SLC25A24: variants seen among roughly 807,000 people sequenced by gnomAD.
SLC25A24 encodes the protein mitochondrial adenyl nucleotide antiporter SLC25A24.
SLC25A24 carries 49 observed loss-of-function variants against 60.7 expected under a neutral mutation model. The observed-to-expected ratio is 0.81, with a 90% CI of 0.64 to 1.02. The LOEUF (loss-of-function observed/expected upper bound fraction) is 1.02. SLC25A24 is among the 50% of genes least tolerant of loss of function. SLC25A24 has a pLI of 0.00. For missense variants in SLC25A24, 564 were observed against 586.3 expected (o/e 0.96, Z 0.39); for synonymous variants, 202 against 200.6 (o/e 1.01, Z -0.06).
At position 108,148,262 on chromosome 1, in the gene SLC25A24, T is replaced by C; in HGVS notation, c.930+17A>G. 6.9e-7 allele frequency: 1 copy of C among 1,445,354 alleles called. No homozygotes were observed. Among genetic ancestry groups the C allele is most frequent in the Admixed American group, 1.7e-5 (1 of 59,788 alleles). 89.5% of individuals were successfully genotyped at this position (1,445,354 alleles called of 1,614,324 possible). ...CACGAACACCATCACACAGTCAGAC[T>C]TGACAATGGTACTCACCTCCATTGG... On this transcript the variant is annotated intron_variant, in intron 7 of 9. Coordinates refer to ENST00000565488, the MANE Select transcript of SLC25A24 (RefSeq NM_013386.5).
chr1:108,182,848 A>C (rs1017956675), intron 2 of SLC25A24, among the ~76,000 whole-genome samples: 1 of 152,098 alleles, frequency 6.6e-6, no homozygotes, highest in Non-Finnish European at 1.5e-5. Context: ...TAAATAAATA[A>C]AAATAAAAAT....
In SLC25A24 at chr1:108,154,550, G is replaced by A. The variant is rs551563009; in HGVS notation, c.822+433C>T. The stretch of plus-strand genomic sequence containing the variant: ...CTGGAGTACATGGGGAAGAAGCCAC[G>A]CCCCTGCCTTCATGGAGGTGTCACT... On this transcript the variant is annotated intron_variant, in intron 6 of 9. Coordinates refer to ENST00000565488, the MANE Select transcript of SLC25A24 (RefSeq NM_013386.5). 7.9e-5 allele frequency among the ~76,000 whole-genome samples: 12 copies of A among 152,212 alleles called. No homozygotes were observed. The South Asian group carries it at 8.3e-4, about 11-fold the overall frequency.
intron 6 of SLC25A24, among the ~76,000 whole-genome samples, chr1:108,148,968 A>G (rs563545054): frequency 6.6e-4 from 101 of 152,334 alleles, no homozygotes; most frequent in African/African-American, 2.4e-3. Flanking sequence ...TTTCCACAAA[A>G]CACAGATGTC....
intron 2 of SLC25A24, among the ~76,000 whole-genome samples, chr1:108,185,036 C>T (rs1484976331): frequency 6.6e-6 from 1 of 152,110 alleles, no homozygotes; most frequent in Non-Finnish European, 1.5e-5. Flanking sequence ...GAGTAGGGCC[C>T]CCATGATGGG....
intron 7 of SLC25A24, among the ~76,000 whole-genome samples, chr1:108,145,652 C>T (rs1031316183): frequency 6.6e-6 from 1 of 152,096 alleles, no homozygotes; most frequent in Non-Finnish European, 1.5e-5. Flanking sequence ...TTTCCCAACA[C>T]CATACATTAA....
chr1:108,192,448 G>A lies in SLC25A24; in HGVS notation c.184-6494C>T, dbSNP rs1303011686. 2.2e-6 allele frequency: 3 copies of A among 1,356,204 alleles called. 1 individual carries two copies. In the East Asian group the frequency reaches 8.7e-5, roughly 39 times the overall value. 84.0% of individuals were successfully genotyped at this position (1,356,204 alleles called of 1,614,324 possible). ...CCCTCTCTGCCCAATGCCTCTCCAG[G>A]GCTCCCAGCCCCAACGTCTCTCTGA... On this transcript the variant is annotated intron_variant, in intron 1 of 9. Transcript: ENST00000565488.
chr1:108,169,129 T>C (rs1647353257), intron 3 of SLC25A24, among the ~76,000 whole-genome samples: 1 of 152,196 alleles, frequency 6.6e-6, no homozygotes, highest in African/African-American at 2.4e-5. Context: ...AAAATATGGA[T>C]GGGTCTGTTT....
At chr1:108,188,881 G>C (rs764164561) in intron 1 of SLC25A24, among the ~76,000 whole-genome samples, 2 of 152,174 alleles carry the variant, frequency 1.3e-5, no homozygotes, top group Admixed American at 1.3e-4. Flanking sequence ...AATCCGGGGG[G>C]AGTTAGTATA....
intron 3 of SLC25A24, among the ~76,000 whole-genome samples, chr1:108,172,918 T>TAAG (rs1380857268): frequency 2.0e-5 from 3 of 152,026 alleles, no homozygotes; most frequent in African/African-American, 7.2e-5. Context: ...CTAGTAATAA[T>TAAG]AATAATAATA....
chr1:108,134,992 A>G lies in SLC25A24; in HGVS notation c.*1661T>C, dbSNP rs1679242966. ...CATTCATACCTTACAATTTAAATTC[A>G]TAATGAACAATGAATATTTTCATAT... On this transcript the variant is annotated 3_prime_UTR_variant, in exon 10 of 10. Coordinates refer to ENST00000565488, the MANE Select transcript of SLC25A24 (RefSeq NM_013386.5). 1 of 152,194 alleles carries G rather than the reference A, an allele frequency of 6.6e-6. No homozygotes were observed. Among genetic ancestry groups the G allele is most frequent in the Non-Finnish European group, 1.5e-5 (1 of 68,018 alleles). 9.4% of individuals were successfully genotyped at this position (152,194 alleles called of 1,614,324 possible).
chr1:108,186,103 A>T, intron 1 of SLC25A24, 149 bp from the exon 2 acceptor site: 2 of 526,900 alleles, frequency 3.8e-6, no homozygotes, highest in Non-Finnish European at 6.4e-6. Context: ...TATCGCAAAG[A>T]TCTATAATAA....
At chr1:108,171,769 G>A (rs1647470356) in intron 3 of SLC25A24, among the ~76,000 whole-genome samples, 2 of 152,194 alleles carry the variant, frequency 1.3e-5, no homozygotes, top group Non-Finnish European at 2.9e-5. Flanking sequence ...ATTGTTCTAA[G>A]TATTTCACAT....
chr1:108,156,030 GA>G lies in SLC25A24; in HGVS notation c.670-896del, dbSNP rs2101612589. Among the ~76,000 whole-genome samples, 3 of 152,044 alleles carry G rather than the reference GA, an allele frequency of 2.0e-5. No homozygotes were observed. The South Asian group carries it at 6.2e-4, about 32-fold the overall frequency. ...TGAAGGCCAGCCATGTGGCCAGTAT[GA>G]AAACGGGCCCCAATAAGAACTCTGC... On this transcript the variant is annotated intron_variant, in intron 5 of 9. Coordinates refer to ENST00000565488, the MANE Select transcript of SLC25A24 (RefSeq NM_013386.5).
At chr1:108,160,803 A>T (rs1348400600) in intron 4 of SLC25A24, among the ~76,000 whole-genome samples, 3 of 152,176 alleles carry the variant, frequency 2.0e-5, no homozygotes, top group Admixed American at 6.5e-5. Flanking sequence ...TACGAAAAAC[A>T]GTCAGGCGTG....
Position 108,135,171 on chromosome 1 carries a change from C to G in SLC25A24, c.*1482G>C, listed in dbSNP as rs1679249594. ...ATAACCCTAAAAGTAGAATCCCAGG[C>G]TTATCATATTATAAAAATACTGAGA... On this transcript the variant is annotated 3_prime_UTR_variant, in exon 10 of 10. Coordinates refer to ENST00000565488, the MANE Select transcript of SLC25A24 (RefSeq NM_013386.5). The G allele has an allele frequency of 6.6e-6, 1 of 152,418 alleles. No homozygotes were observed. The highest frequency in any genetic ancestry group is 2.4e-5 in the African/African-American group (1 of 41,410). The allele number at this position is 152,418 out of a possible 1,614,324, so 9.4% of individuals were successfully genotyped here. A position where few individuals can be genotyped will look rare whatever the true frequency, so the allele number is the denominator to read the frequency against.
At chr1:108,164,039 A>G (rs1026401137) in intron 3 of SLC25A24, among the ~76,000 whole-genome samples, 34 of 152,158 alleles carry the variant, frequency 2.2e-4, no homozygotes, top group Non-Finnish European at 4.1e-4. Context: ...TTCTGCATCT[A>G]TTGAGATAAT....
At chr1:108,188,750 A>T (rs568880390) in intron 1 of SLC25A24, among the ~76,000 whole-genome samples, 1 of 152,288 alleles carries the variant, frequency 6.6e-6, no homozygotes, top group South Asian at 2.1e-4. Flanking sequence ...TAGTTATTAG[A>T]AAAGGTTTGG....
At chr1:108,144,782 A>T (rs1389668932) in intron 7 of SLC25A24, among the ~76,000 whole-genome samples, 1 of 152,172 alleles carries the variant, frequency 6.6e-6, no homozygotes, top group Non-Finnish European at 1.5e-5. Context: ...ATGGCTGCAT[A>T]GTATTCCATG....
At chr1:108,168,363 C>T (rs889535557) in intron 3 of SLC25A24, among the ~76,000 whole-genome samples, 6 of 151,800 alleles carry the variant, frequency 4.0e-5, no homozygotes, top group African/African-American at 1.5e-4. Context: ...GTTGTTTGAC[C>T]CCACCACCCA....
Sources: gnomAD v4.1 joint callset for allele counts (sites outside exome capture counted in the v4.1 genomes callset) on GRCh38, gnomAD v4.1.1 for gene constraint, MANE v1.5 for transcripts, NCBI Gene and HGNC (gene_info 2026-07-23, HGNC 2026-07-21) for gene names.